The following EML6 variants were observed in gnomAD, a reference collection of about 807,000 sequenced individuals.
EML6 encodes EMAP like 6, also known as echinoderm microtubule-associated protein-like 6.
In EML6, 154 loss-of-function variants were observed where a neutral mutation model predicts 240.1. That is an observed-to-expected ratio of 0.64 (90% CI 0.56 to 0.73). The LOEUF is 0.73. EML6 is among the 30% of genes least tolerant of loss of function. The probability of loss-of-function intolerance (pLI) is 0.00; values close to 1 mark genes in which losing one functional copy is unlikely to be tolerated. For missense variants in EML6, 2,964 were observed against 2,474.6 expected, an observed-to-expected ratio of 1.20 and a Z score of -4.20; for synonymous variants, 1,148 against 899.0, an observed-to-expected ratio of 1.28 and a Z score of -4.95.
chr2:54,832,492 C>G (rs1489570358), intron 7 of EML6, among the ~76,000 whole-genome samples: 2 of 152,068 alleles, frequency 1.3e-5, no homozygotes, highest in African/African-American at 4.8e-5. Flanking sequence ...GAGGTGTGCC[C>G]CAAATCCAAA....
chr2:54,887,446 A>AT (rs1375307570), intron 17 of EML6, among the ~76,000 whole-genome samples: 6 of 151,924 alleles, frequency 3.9e-5, no homozygotes, highest in Admixed American at 6.6e-5. Flanking sequence ...TAACTTGCTG[A>AT]TTTTTTTCCC....
intron 2 of EML6, among the ~76,000 whole-genome samples, chr2:54,795,575 C>A (rs1157168268): frequency 6.6e-6 from 1 of 152,120 alleles, no homozygotes; most frequent in Admixed American, 6.6e-5. Context: ...GGTGTAGCAT[C>A]CTGCCACTGC....
intron 2 of EML6, among the ~76,000 whole-genome samples, chr2:54,772,868 G>A (rs1015966627): frequency 6.6e-6 from 1 of 152,234 alleles, no homozygotes; most frequent in Non-Finnish European, 1.5e-5. Context: ...CAGAGTCCAC[G>A]TGTACAATTC....
intron 11 of EML6, among the ~76,000 whole-genome samples, chr2:54,856,327 C>A (rs535959371): frequency 6.6e-6 from 1 of 152,348 alleles, no homozygotes; most frequent in African/African-American, 2.4e-5. Flanking sequence ...TCCTAATAGC[C>A]TTGGTACGCA....
intron 2 of EML6, among the ~76,000 whole-genome samples, chr2:54,753,715 G>A (rs1684276324): frequency 6.6e-6 from 1 of 150,510 alleles, no homozygotes. Context: ...GCTCAAACTG[G>A]AGTGCAGTGG....
chr2:54,884,974 G>A (rs1672042874), intron 17 of EML6, among the ~76,000 whole-genome samples: 2 of 152,092 alleles, frequency 1.3e-5, no homozygotes, highest in South Asian at 4.1e-4. Context: ...AGGAGTTGCA[G>A]ATCAGCCCGG....
rs115015338 is a variant in EML6, at chr2:54,954,413, C to T, written c.4486+257C>T. Among the ~76,000 whole-genome samples the T allele has an allele frequency of 3.5e-3, 533 of 152,230 alleles. 3 individuals carry two copies. Among genetic ancestry groups the T allele is most frequent in the African/African-American group, 0.012 (513 of 41,532 alleles). ...GTGAAGGGGCTCTGAGGAGGTTCCC[C>T]GATGTTGGCAGCCCTCCTCCTCGGA... On this transcript the variant is annotated intron_variant, in intron 32 of 41. Transcript: ENST00000356458.
At chr2:54,744,949 CACACACACACACA>C (rs1558521023) in intron 2 of EML6, among the ~76,000 whole-genome samples, 9,363 of 144,980 alleles carry the variant, frequency 0.065, 465 homozygotes, top group South Asian at 0.12. Context: ...CACACACACA[CACACACACACACA>C]CCCTGCCATG....
intron 7 of EML6, among the ~76,000 whole-genome samples, chr2:54,832,742 A>AC (rs202078606): frequency 0.034 from 5,044 of 147,032 alleles, 129 homozygotes; most frequent in Middle Eastern, 0.082. Context: ...TGTCCTCCCC[A>AC]CCCCCCCGCC....
chr2:54,822,367 A>G (rs1490571371), intron 5 of EML6, among the ~76,000 whole-genome samples: 1 of 152,198 alleles, frequency 6.6e-6, no homozygotes, highest in African/African-American at 2.4e-5. Flanking sequence ...TCTTTGATCC[A>G]GTAATTTCAT....
chr2:54,934,326 C>T (rs1348645973), intron 28 of EML6, among the ~76,000 whole-genome samples: 2 of 152,070 alleles, frequency 1.3e-5, no homozygotes, highest in African/African-American at 4.8e-5. Context: ...TTTGTATCCT[C>T]CCGCCCTCCC....
At chr2:54,937,095 C>T (rs531162746) in intron 28 of EML6, among the ~76,000 whole-genome samples, 13 of 150,822 alleles carry the variant, frequency 8.6e-5, no homozygotes, top group African/African-American at 2.7e-4. Context: ...GCCTGACCAA[C>T]GTGGAAAAAC....
chr2:54,962,111 C>T (rs1445259938), intron 35 of EML6, among the ~76,000 whole-genome samples: 2 of 145,186 alleles, frequency 1.4e-5, no homozygotes, highest in African/African-American at 5.1e-5. Flanking sequence ...AAGACAGGGT[C>T]TCACTGTGTC....
intron 5 of EML6, among the ~76,000 whole-genome samples, chr2:54,820,682 G>A (rs1174581726): frequency 6.6e-6 from 1 of 152,122 alleles, no homozygotes; most frequent in African/African-American, 2.4e-5. Context: ...GTGCTCCGCA[G>A]GCAGCTGAAA....
chr2:54,927,221 G>T (rs1013576903), intron 26 of EML6, among the ~76,000 whole-genome samples: 1 of 152,220 alleles, frequency 6.6e-6, no homozygotes, highest in African/African-American at 2.4e-5. Flanking sequence ...GGAGTGGGCA[G>T]TTCCGCTCTG....
At chr2:54,757,697 C>A (rs113608557) in intron 2 of EML6, among the ~76,000 whole-genome samples, 64 of 152,202 alleles carry the variant, frequency 4.2e-4, no homozygotes, top group Non-Finnish European at 7.4e-4. Flanking sequence ...CCTACTTTCA[C>A]CCCCTCCCTC....
chr2:54,883,241 T>C (rs935483865), intron 17 of EML6, among the ~76,000 whole-genome samples: 1 of 152,258 alleles, frequency 6.6e-6, no homozygotes, highest in Admixed American at 6.5e-5. Flanking sequence ...TTCATTTTTA[T>C]TTACATGTGG....
intron 7 of EML6, among the ~76,000 whole-genome samples, chr2:54,835,947 T>C (rs1008648794): frequency 2.6e-5 from 4 of 152,176 alleles, no homozygotes; most frequent in African/African-American, 9.7e-5. Context: ...TTGTTTACGA[T>C]AGAAGCAAAA....
At chr2:54,919,365 G>GT (rs1674104611) in intron 26 of EML6, among the ~76,000 whole-genome samples, 2 of 151,200 alleles carry the variant, frequency 1.3e-5, no homozygotes, top group South Asian at 4.2e-4. Flanking sequence ...CCTGTCATTT[G>GT]TACATTTTAA....
Sources: allele counts gnomAD v4.1 joint callset (sites outside exome capture counted in the v4.1 genomes callset), GRCh38; gene constraint gnomAD v4.1.1; transcripts MANE v1.5; gene names NCBI Gene and HGNC (gene_info 2026-07-23, HGNC 2026-07-21).